COLEC11: variants seen among roughly 807,000 people sequenced by gnomAD.
COLEC11 encodes the protein collectin-11.
In COLEC11, 20 loss-of-function variants were observed where a neutral mutation model predicts 27.3. That is an observed-to-expected ratio of 0.73 (90% CI 0.51 to 1.06). The LOEUF (loss-of-function observed/expected upper bound fraction) is 1.06. COLEC11 is among the 50% of genes least tolerant of loss of function. The pLI is 0.00. For synonymous variants in COLEC11, 163 were observed against 154.7 expected (o/e 1.05, Z -0.40); for missense variants, 310 against 383.0 (o/e 0.81, Z 1.59).
At chr2:3,606,356 C>G in intron 2 of COLEC11, 2 of 886,824 alleles carry the variant, frequency 2.3e-6, no homozygotes, top group Non-Finnish European at 3.5e-6. Flanking sequence ...CGTCCTGGGT[C>G]CCCTGGATGT....
At chr2:3,599,317 T>TG (rs562587911) in intron 1 of COLEC11, among the ~76,000 whole-genome samples, 124 of 152,306 alleles carry the variant, frequency 8.1e-4, no homozygotes, top group African/African-American at 2.7e-3. Flanking sequence ...TGGTGCGCGA[T>TG]GACCCACACC....
Position 3,641,372 on chromosome 2 carries a change from C to T in COLEC11, c.328+1041C>T, listed in dbSNP as rs574672889. The T allele has an allele frequency of 1.4e-5, 18 of 1,301,694 alleles. No homozygotes were observed. The East Asian group carries it at 9.4e-4, about 68-fold the overall frequency. The allele number at this position is 1,301,694 out of a possible 1,614,324, so 80.6% of individuals were successfully genotyped here. A position where few individuals can be genotyped will look rare whatever the true frequency, so the allele number is the denominator to read the frequency against. ...GAGCAGCATCCGCTCAGGGCACCTC[C>T]AGGCACTCAGCCAACCTGAGGGGCC... On this transcript the variant is annotated intron_variant, in intron 5 of 6. Coordinates refer to ENST00000349077, the MANE Select transcript of COLEC11 (RefSeq NM_024027.5).
intron 3 of COLEC11, among the ~76,000 whole-genome samples, chr2:3,632,686 G>A (rs753714308): frequency 2.0e-5 from 3 of 152,204 alleles, no homozygotes; most frequent in Admixed American, 1.3e-4. Context: ...TGCTAGGGAC[G>A]TTGTGAAGCT....
rs144857555 is a variant in COLEC11 at position 3,638,884 on chromosome 2, G to T, written c.274+1280G>T. On this transcript the variant is annotated intron_variant, in intron 4 of 6. Transcript: ENST00000349077. ...CAATTCAGGGACATTGAGTACATTT[G>T]CAATGGTGTACAGCCATTACCACTA... is the stretch of plus-strand genomic sequence containing the variant. 6.6e-3 allele frequency among the ~76,000 whole-genome samples: 1,012 copies of T among 152,318 alleles called. 7 individuals are homozygous for T. The highest frequency in any genetic ancestry group is 0.01 in the Non-Finnish European group (704 of 68,028).
chr2:3,632,010 G>A (rs865825975), intron 3 of COLEC11, among the ~76,000 whole-genome samples: 1 of 152,212 alleles, frequency 6.6e-6, no homozygotes, highest in African/African-American at 2.4e-5. Context: ...TTGGAGCCCT[G>A]GACGTGGAGT....
intron 3 of COLEC11, among the ~76,000 whole-genome samples, chr2:3,619,628 T>C (rs1283229505): frequency 6.6e-6 from 1 of 152,242 alleles, no homozygotes; most frequent in Non-Finnish European, 1.5e-5. Context: ...TCATGGTGTA[T>C]AATACTTTTG....
chr2:3,596,683 C>T (rs985761079), intron 1 of COLEC11, among the ~76,000 whole-genome samples: 14 of 152,162 alleles, frequency 9.2e-5, no homozygotes, highest in Non-Finnish European at 1.8e-4. Flanking sequence ...CAGGATTCCA[C>T]GTTTAACCCC....
At chr2:3,605,228 G>T in intron 2 of COLEC11, 2 of 409,934 alleles carry the variant, frequency 4.9e-6, no homozygotes, top group Admixed American at 2.9e-5. Context: ...GCCAGTGTCG[G>T]GTGGCAGGGC....
intron 3 of COLEC11, among the ~76,000 whole-genome samples, chr2:3,619,921 C>T (rs562482058): frequency 6.6e-6 from 1 of 152,158 alleles, no homozygotes; most frequent in Admixed American, 6.5e-5. Flanking sequence ...CCACCGCTCC[C>T]GGCCGTGTAT....
chr2:3,604,270 C>T lies in COLEC11; in HGVS notation c.-26-45C>T, dbSNP rs115464985. The T allele has an allele frequency of 5.8e-4, 930 of 1,607,564 alleles. 8 individuals are homozygous for T. The African/African-American group carries it at 0.011, about 18-fold the overall frequency. On this transcript the variant is annotated intron_variant, in intron 1 of 6. Transcript: ENST00000349077. The stretch of plus-strand genomic sequence containing the variant: ...GGCCTGCTCACTGTCACTGGCTGCC[C>T]GGCTGTTGCAGTTCCCATCACTGTT...
chr2:3,605,668 C>G (rs569050418), intron 2 of COLEC11: 3 of 194,284 alleles, frequency 1.5e-5, no homozygotes, highest in East Asian at 3.2e-4. Context: ...ATCCGCGGTC[C>G]GCTTGGGCCT....
At chr2:3,639,261 C>T (rs948582428) in intron 4 of COLEC11, among the ~76,000 whole-genome samples, 3 of 152,362 alleles carry the variant, frequency 2.0e-5, no homozygotes, top group Admixed American at 6.5e-5. Flanking sequence ...CGCCACATTG[C>T]GTATTGACTC....
chr2:3,619,017 C>T (rs1367951820), intron 3 of COLEC11, among the ~76,000 whole-genome samples: 2 of 152,008 alleles, frequency 1.3e-5, no homozygotes, highest in Non-Finnish European at 2.9e-5. Flanking sequence ...GATTTTGTAT[C>T]CTGCAACTTT....
intron 3 of COLEC11, chr2:3,617,667 C>T (rs747593486): frequency 1.4e-5 from 23 of 1,611,772 alleles, no homozygotes; most frequent in Admixed American, 5.0e-5. Flanking sequence ...TCAGCCATAT[C>T]GGGTTTGTCA....
Position 3,644,035 on chromosome 2 carries a change from A to G in COLEC11, c.733A>G (p.Met245Val). ...NAYDEEDCVE[M>V]VASGGWNDVA... Reference sequence around the variant, plus strand: ...CTACGACGAGGAGGACTGCGTGGAGATGGTGGCCTCGGGCGGCTGGAACGA... The same window carrying G: ...CTACGACGAGGAGGACTGCGTGGAGGTGGTGGCCTCGGGCGGCTGGAACGA... Residue 245 changes from methionine (M) to valine (V), a missense_variant, in exon 7 of 7, where the codon ATG becomes GTG. Met to Val is a conservative substitution (Grantham distance 21, BLOSUM62 1). Transcript: ENST00000349077. The G allele has an allele frequency of 6.2e-7, 1 of 1,613,822 alleles. No homozygotes were observed. The highest frequency in any genetic ancestry group is 1.1e-5 in the South Asian group (1 of 91,088).
intron 3 of COLEC11, among the ~76,000 whole-genome samples, chr2:3,622,762 T>C (rs1259453774): frequency 1.3e-5 from 2 of 152,228 alleles, no homozygotes; most frequent in African/African-American, 4.8e-5. Flanking sequence ...TGTGGCCTCT[T>C]GACCTTGGAT....
intron 1 of COLEC11, among the ~76,000 whole-genome samples, chr2:3,600,234 CAAAAA>C (rs35252259): frequency 1.2e-5 from 1 of 80,688 alleles, no homozygotes. Flanking sequence ...GACTCTGTCT[CAAAAA>C]AAAAAAAAAA....
intron 3 of COLEC11, among the ~76,000 whole-genome samples, chr2:3,627,715 G>A (rs1664665014): frequency 6.6e-6 from 1 of 151,430 alleles, no homozygotes; most frequent in South Asian, 2.1e-4. Context: ...ATCTAGGTAT[G>A]ACGATGCTGG....
At chr2:3,637,231 C>G (rs188535397) in intron 3 of COLEC11, among the ~76,000 whole-genome samples, 1 of 152,154 alleles carries the variant, frequency 6.6e-6, no homozygotes, top group South Asian at 2.1e-4. Flanking sequence ...CACACAGGCA[C>G]GGAGGGGATG....
Sources: gnomAD v4.1 joint callset for allele counts (sites outside exome capture counted in the v4.1 genomes callset) on GRCh38, gnomAD v4.1.1 for gene constraint, MANE v1.5 for transcripts, NCBI Gene and HGNC (gene_info 2026-07-23, HGNC 2026-07-21) for gene names.